The following DLGAP2 variants were observed in gnomAD, a reference collection of about 807,000 sequenced individuals.
The protein encoded by DLGAP2 is DLG associated protein 2.
In DLGAP2, 26 loss-of-function variants were observed where a neutral mutation model predicts 100.3. The ratio of observed to expected loss-of-function variants is 0.26; its 90% CI spans 0.19 to 0.36. The LOEUF is 0.36. Among genes scored for constraint, DLGAP2 ranks in the 10% least tolerant of loss-of-function variants. DLGAP2 has a pLI of 1.00. For synonymous variants in DLGAP2, 886 were observed against 630.1 expected (o/e 1.41, Z -6.08); for missense variants, 1,858 against 1,453.2 (o/e 1.28, Z -4.53).
intron 10 of DLGAP2, among the ~76,000 whole-genome samples, chr8:1,670,540 C>T (rs371702340): frequency 1.3e-5 from 2 of 152,260 alleles, no homozygotes; most frequent in African/African-American, 4.8e-5. Context: ...TGCCACCCTG[C>T]ACCCAGCACT....
At chr8:1,002,212 C>G (rs1035178834) in intron 2 of DLGAP2, 1 of 152,168 alleles carries the variant, frequency 6.6e-6, no homozygotes, top group Non-Finnish European at 1.5e-5. Flanking sequence ...ACCCGAGACC[C>G]TTTTGTCACT....
intron 3 of DLGAP2, among the ~76,000 whole-genome samples, chr8:1,428,352 T>C (rs1360106101): frequency 6.6e-6 from 1 of 152,138 alleles, no homozygotes; most frequent in Non-Finnish European, 1.5e-5. Context: ...TCAGTGAGAA[T>C]GCAAATAAAC....
At chr8:942,734 C>T (rs991669722) in intron 2 of DLGAP2, among the ~76,000 whole-genome samples, 14 of 152,224 alleles carry the variant, frequency 9.2e-5, no homozygotes, top group Non-Finnish European at 1.5e-5. Flanking sequence ...GTCCTTAAGA[C>T]CAACTACAGA....
chr8:1,196,284 T>A (rs1241740639), intron 2 of DLGAP2, among the ~76,000 whole-genome samples: 1 of 152,246 alleles, frequency 6.6e-6, no homozygotes, highest in Non-Finnish European at 1.5e-5. Context: ...GTAAAGCATT[T>A]GTGTCCACAC....
At chr8:1,500,176 T>C (rs996530404) in intron 3 of DLGAP2, among the ~76,000 whole-genome samples, 1 of 152,254 alleles carries the variant, frequency 6.6e-6, no homozygotes. Context: ...ATAAATAACA[T>C]GTTTACATGC....
chr8:1,078,717 T>C (rs371605616), intron 2 of DLGAP2, among the ~76,000 whole-genome samples: 1 of 152,234 alleles, frequency 6.6e-6, no homozygotes, highest in East Asian at 1.9e-4. Context: ...ATTTTCTTCC[T>C]TGTCTTTTTG....
At chr8:856,722 G>T (rs1235461107) in intron 1 of DLGAP2, among the ~76,000 whole-genome samples, 1 of 152,208 alleles carries the variant, frequency 6.6e-6, no homozygotes, top group Non-Finnish European at 1.5e-5. Flanking sequence ...TGAAAGAAAT[G>T]AAAGGAGATC....
chr8:1,626,316 C>G (rs1797496102), intron 6 of DLGAP2, among the ~76,000 whole-genome samples: 1 of 129,340 alleles, frequency 7.7e-6, no homozygotes, highest in Non-Finnish European at 1.6e-5. Flanking sequence ...GGTGCTCAGC[C>G]TCTGGGTGTG....
intron 1 of DLGAP2, among the ~76,000 whole-genome samples, chr8:905,477 G>A (rs1352597664): frequency 6.6e-6 from 1 of 152,004 alleles, no homozygotes; most frequent in African/African-American, 2.4e-5. Flanking sequence ...TTTTCAAATC[G>A]AACAGAGACG....
At chr8:1,372,407 CCTCA>C (rs776838423) in intron 3 of DLGAP2, among the ~76,000 whole-genome samples, 1 of 152,144 alleles carries the variant, frequency 6.6e-6, no homozygotes, top group Admixed American at 6.5e-5. Flanking sequence ...ACCGTCTTGC[CCTCA>C]CTCCTCCCTC....
intron 3 of DLGAP2, among the ~76,000 whole-genome samples, chr8:1,489,256 A>T (rs1435827348): frequency 6.6e-6 from 1 of 152,148 alleles, no homozygotes; most frequent in East Asian, 1.9e-4. Flanking sequence ...AAAAAATGGG[A>T]CCGTCAGCTC....
At chr8:1,205,542 G>A (rs754024697) in intron 2 of DLGAP2, among the ~76,000 whole-genome samples, 2 of 152,176 alleles carry the variant, frequency 1.3e-5, no homozygotes, top group Admixed American at 6.5e-5. Context: ...GGCTGGTGGC[G>A]TCTGCTCTTA....
At chr8:1,189,935 C>T (rs572030855) in intron 2 of DLGAP2, among the ~76,000 whole-genome samples, 1 of 152,102 alleles carries the variant, frequency 6.6e-6, no homozygotes, top group Non-Finnish European at 1.5e-5. Flanking sequence ...GGTGAAAATC[C>T]TAGGAAAAGC....
At chr8:1,050,798 A>C (rs1802655930) in intron 2 of DLGAP2, among the ~76,000 whole-genome samples, 1 of 152,196 alleles carries the variant, frequency 6.6e-6, no homozygotes, top group Admixed American at 6.5e-5. Flanking sequence ...ACCTTGAGTC[A>C]GGAGGTCTGT....
At position 1,468,542 on chromosome 8, in the gene DLGAP2, C is replaced by T. The variant is rs545560538; in HGVS notation, c.107-32824C>T. ...GTTCTGAGAACCACACCTGTTCCAA[C>T]ACATGGATCCCAAGCCTTAGGCTCC... On this transcript the variant is annotated intron_variant, in intron 3 of 14. Transcript: ENST00000637795. Among the ~76,000 whole-genome samples the T allele has an allele frequency of 3.9e-5, 6 of 152,344 alleles. No homozygotes were observed. The South Asian group carries it at 1.2e-3, about 32-fold the overall frequency.
chr8:925,715 A>G lies in DLGAP2; in HGVS notation c.73+17749A>G, dbSNP rs59755251. 2.1e-3 allele frequency among the ~76,000 whole-genome samples: 319 copies of G among 152,186 alleles called. 10 individuals carry two copies. In the East Asian group the frequency reaches 0.054, roughly 26 times the overall value. ...TCATCATGTATATCTGTGTGAATAG[A>G]AGGAGATTTGTTAAAAGGAATTGGC... On this transcript the variant is annotated intron_variant, in intron 2 of 14. Transcript: ENST00000637795.
intron 4 of DLGAP2, among the ~76,000 whole-genome samples, chr8:1,511,968 G>A (rs369297310): frequency 8.5e-5 from 13 of 152,352 alleles, no homozygotes; most frequent in African/African-American, 2.4e-4. Flanking sequence ...ACCACCACTC[G>A]GGTTTGGTAT....
chr8:981,047 A>T (rs1800317398), intron 2 of DLGAP2, among the ~76,000 whole-genome samples: 1 of 152,140 alleles, frequency 6.6e-6, no homozygotes, highest in Non-Finnish European at 1.5e-5. Flanking sequence ...TAGGCCACAT[A>T]GAAACTCTAT....
chr8:1,261,545 A>C (rs1799350185), intron 3 of DLGAP2, among the ~76,000 whole-genome samples: 1 of 105,594 alleles, frequency 9.5e-6, no homozygotes, highest in African/African-American at 3.9e-5. Flanking sequence ...GGGGCTCTCC[A>C]GCCGAGGGTG....
Sources: gnomAD v4.1 joint callset for allele counts (sites outside exome capture counted in the v4.1 genomes callset) on GRCh38, gnomAD v4.1.1 for gene constraint, MANE v1.5 for transcripts, NCBI Gene and HGNC (gene_info 2026-07-23, HGNC 2026-07-21) for gene names.